Variants in MACROD2 observed in about 807,000 individuals in gnomAD.
MACROD2 encodes the protein mono-ADP ribosylhydrolase 2.
A neutral mutation model predicts 70.4 loss-of-function variants in MACROD2; 36 were observed. The ratio of observed to expected loss-of-function variants is 0.51; its 90% CI spans 0.39 to 0.68. MACROD2 has a LOEUF of 0.68. Ranked by LOEUF, MACROD2 falls within the 30% of genes least tolerant of loss-of-function variation. MACROD2 has a pLI of 0.00. For synonymous variants in MACROD2, 172 were observed against 178.8 expected (o/e 0.96, Z 0.30); for missense variants, 496 against 538.4 (o/e 0.92, Z 0.78).
chr20:15,036,278 G>A (rs977615234), intron 5 of MACROD2, among the ~76,000 whole-genome samples: 6 of 152,134 alleles, frequency 3.9e-5, no homozygotes, highest in African/African-American at 9.7e-5. Flanking sequence ...GGATGATAAT[G>A]CTTTTATATG....
chr20:14,110,729 C>T (rs1277846657), intron 3 of MACROD2, among the ~76,000 whole-genome samples: 2 of 151,816 alleles, frequency 1.3e-5, no homozygotes, highest in Non-Finnish European at 3.0e-5. Context: ...AGATAACACA[C>T]ACACAAAATG....
At position 14,058,933 on chromosome 20, in the gene MACROD2, C is replaced by T. The variant is rs1348306033; in HGVS notation, c.164-26688C>T. Among the ~76,000 whole-genome samples the T allele has an allele frequency of 9.4e-4, 143 of 152,100 alleles. 1 individual carries two copies. The highest frequency in any genetic ancestry group is 1.9e-4 in the East Asian group (1 of 5,198). ...CTGGGATTACAGGCTTGAGCCACTG[C>T]GTCTGGCCTGTTTTATTCATTTTCA... is the stretch of plus-strand genomic sequence containing the variant. On this transcript the variant is annotated intron_variant, in intron 2 of 17. Transcript: ENST00000684519.
chr20:15,816,548 A>G (rs1047690654), intron 8 of MACROD2, among the ~76,000 whole-genome samples: 8 of 152,332 alleles, frequency 5.3e-5, no homozygotes, highest in African/African-American at 1.9e-4. Context: ...TAAACTCATT[A>G]CATGCAAGTA....
At chr20:15,840,487 A>T (rs971774955) in intron 8 of MACROD2, among the ~76,000 whole-genome samples, 1 of 152,204 alleles carries the variant, frequency 6.6e-6, no homozygotes, top group East Asian at 1.9e-4. Flanking sequence ...AATTCACAAA[A>T]AAAGATCTTT....
intron 5 of MACROD2, among the ~76,000 whole-genome samples, chr20:15,198,494 T>A (rs1475955681): frequency 1.3e-5 from 2 of 152,220 alleles, no homozygotes; most frequent in East Asian, 3.8e-4. Context: ...TTTATTATTT[T>A]TTATACCTAT....
At chr20:15,297,120 G>T (rs2077597410) in intron 6 of MACROD2, among the ~76,000 whole-genome samples, 1 of 152,160 alleles carries the variant, frequency 6.6e-6, no homozygotes, top group Non-Finnish European at 1.5e-5. Context: ...GCTGCCTCTT[G>T]ATATTGAGGG....
intron 15 of MACROD2, among the ~76,000 whole-genome samples, chr20:16,005,862 C>CTGCCCT (rs1181496409): frequency 6.6e-6 from 1 of 152,208 alleles, no homozygotes; most frequent in Non-Finnish European, 1.5e-5. Flanking sequence ...CTCTGGCTAG[C>CTGCCCT]TGCCCTCTTC....
chr20:15,309,919 G>C (rs902563764), intron 6 of MACROD2, among the ~76,000 whole-genome samples: 2 of 152,120 alleles, frequency 1.3e-5, no homozygotes, highest in Non-Finnish European at 2.9e-5. Context: ...TTCAGACAAA[G>C]GTTTAGAGTC....
At chr20:15,640,572 T>C (rs532635528) in intron 8 of MACROD2, among the ~76,000 whole-genome samples, 1 of 152,224 alleles carries the variant, frequency 6.6e-6, no homozygotes, top group Non-Finnish European at 1.5e-5. Flanking sequence ...GCCCTGCCCA[T>C]GCAGAGAACA....
At position 15,900,973 on chromosome 20, in the gene MACROD2, T is replaced by A. The variant is rs538708656; in HGVS notation, c.775+15162T>A. Among the ~76,000 whole-genome samples, 11 of 152,280 alleles carry A rather than the reference T, an allele frequency of 7.2e-5. No individual in the cohort carries two copies. The East Asian group carries it at 2.1e-3, about 29-fold the overall frequency. On this transcript the variant is annotated intron_variant, in intron 10 of 17. Coordinates refer to ENST00000684519, the MANE Select transcript of MACROD2 (RefSeq NM_001351661.2). ...TTGAGTAGACAGAAGAGCTGGTCAG[T>A]GAGTATATTGAATTTGAAACAAGAA...
intron 5 of MACROD2, among the ~76,000 whole-genome samples, chr20:14,908,125 C>A (rs2073981455): frequency 6.6e-6 from 1 of 152,066 alleles, no homozygotes; most frequent in Non-Finnish European, 1.5e-5. Context: ...AGGCGGATCA[C>A]CCGATGTCAG....
intron 5 of MACROD2, among the ~76,000 whole-genome samples, chr20:15,008,518 A>G (rs951762995): frequency 2.6e-5 from 4 of 152,212 alleles, no homozygotes; most frequent in African/African-American, 9.6e-5. Context: ...GAAAGCAAAG[A>G]TGACCTGATC....
chr20:15,746,288 G>A (rs998580883), intron 8 of MACROD2, among the ~76,000 whole-genome samples: 3 of 151,824 alleles, frequency 2.0e-5, no homozygotes, highest in Admixed American at 6.6e-5. Context: ...TGTAAATAAT[G>A]TATTTTAATC....
intron 14 of MACROD2, 100 bp from the exon 15 acceptor site, chr20:15,986,966 G>A: frequency 8.3e-7 from 1 of 1,203,876 alleles, no homozygotes; most frequent in Non-Finnish European, 1.2e-6. Context: ...AACTTGAAGG[G>A]GGAAAAAAGA....
intron 8 of MACROD2, among the ~76,000 whole-genome samples, chr20:15,626,628 G>A (rs1235891411): frequency 6.6e-6 from 1 of 152,216 alleles, no homozygotes; most frequent in Non-Finnish European, 1.5e-5. Flanking sequence ...GCTGAGGTGG[G>A]CAGATCACTT....
intron 5 of MACROD2, among the ~76,000 whole-genome samples, chr20:15,147,607 T>C (rs1419562138): frequency 2.0e-5 from 3 of 152,194 alleles, no homozygotes; most frequent in African/African-American, 7.2e-5. Flanking sequence ...GTAAAGAGGC[T>C]GAAACAATGT....
chr20:15,894,129 T>C (rs907121161), intron 10 of MACROD2: 5 of 362,654 alleles, frequency 1.4e-5, no homozygotes, highest in Admixed American at 1.1e-4. Context: ...ACTTCTCTCC[T>C]AGCAGCAGGT....
chr20:14,420,920 T>G (rs2083869519), intron 3 of MACROD2, among the ~76,000 whole-genome samples: 1 of 152,206 alleles, frequency 6.6e-6, no homozygotes. Flanking sequence ...CTCGAGCTCC[T>G]GGGCTCAAGC....
intron 6 of MACROD2, among the ~76,000 whole-genome samples, chr20:15,403,645 G>A (rs975782518): frequency 1.3e-5 from 2 of 152,074 alleles, no homozygotes; most frequent in South Asian, 4.2e-4. Flanking sequence ...TGGGCCATGC[G>A]GTCTAAGTGG....
Sources: gnomAD v4.1 joint callset for allele counts (sites outside exome capture counted in the v4.1 genomes callset) on GRCh38, gnomAD v4.1.1 for gene constraint, MANE v1.5 for transcripts, NCBI Gene and HGNC (gene_info 2026-07-23, HGNC 2026-07-21) for gene names.